ZC3H12B: variants seen among roughly 807,000 people sequenced by gnomAD.
ZC3H12B encodes the protein zinc finger CCCH-type containing 12B, also known as probable ribonuclease ZC3H12B.
ZC3H12B carries 7 observed loss-of-function variants against 43.9 expected under a neutral mutation model. The observed-to-expected ratio is 0.16, with a 90% CI of 0.09 to 0.30. The LOEUF is 0.30. ZC3H12B is among the 10% of genes least tolerant of loss of function. The pLI, the probability that ZC3H12B is intolerant of heterozygous loss-of-function variation, is 1.00. For missense variants in ZC3H12B, 475 were observed against 670.2 expected (o/e 0.71, Z 3.22); for synonymous variants, 222 against 241.7 (o/e 0.92, Z 0.76).
At chrX:65,174,211 C>T in the ZC3H12B span, among the ~76,000 whole-genome samples, 1 of 111,900 alleles carries the variant, frequency 8.9e-6, no homozygotes, top group Non-Finnish European at 1.9e-5. Context: ...AGTCAGGGGG[C>T]ACAGGATCAG....
the ZC3H12B span, among the ~76,000 whole-genome samples, chrX:65,124,484 G>T: frequency 1.4e-4 from 16 of 110,429 alleles, no homozygotes; most frequent in Non-Finnish European, 2.9e-4. Context: ...TGGCATTAGG[G>T]TGATACTGGC....
the ZC3H12B span, among the ~76,000 whole-genome samples, chrX:65,206,181 C>A: frequency 9.0e-6 from 1 of 111,494 alleles, no homozygotes; most frequent in Non-Finnish European, 1.9e-5. Context: ...TCATGTGGAA[C>A]CAAAAAAGAA....
intron 3 of ZC3H12B, among the ~76,000 whole-genome samples, chrX:65,419,947 C>A (rs1232460447): frequency 9.0e-6 from 1 of 111,133 alleles, no homozygotes; most frequent in Admixed American, 9.5e-5. Flanking sequence ...CAGACTTATA[C>A]CCCTGCATAC....
At chrX:65,297,520 A>C in the ZC3H12B span, among the ~76,000 whole-genome samples, 1 of 112,040 alleles carries the variant, frequency 8.9e-6, no homozygotes, top group African/African-American at 3.2e-5. Flanking sequence ...ATAGAAATAC[A>C]TCCCATGCTG....
chrX:65,132,688 C>T, the ZC3H12B span, among the ~76,000 whole-genome samples: 5 of 111,235 alleles, frequency 4.5e-5, no homozygotes, highest in Admixed American at 9.5e-5. Flanking sequence ...TGTCCAAGTT[C>T]GCATCAGAGT....
the ZC3H12B span, among the ~76,000 whole-genome samples, chrX:65,057,802 A>T: frequency 9.0e-6 from 1 of 111,137 alleles, no homozygotes; most frequent in African/African-American, 3.3e-5. Flanking sequence ...TTTTTTCTCT[A>T]AACTTCCCTT....
chrX:65,142,876 G>A, the ZC3H12B span, among the ~76,000 whole-genome samples: 440 of 112,251 alleles, frequency 3.9e-3, 3 homozygotes, highest in Non-Finnish European at 6.3e-3. Context: ...TTTTATACCA[G>A]TACCATACTG....
At chrX:65,053,088 T>A in the ZC3H12B span, among the ~76,000 whole-genome samples, 8 of 111,613 alleles carry the variant, frequency 7.2e-5, no homozygotes, top group Non-Finnish European at 1.9e-5. Context: ...ATTGTTCACA[T>A]GCCTGTTTGC....
intron 2 of ZC3H12B, among the ~76,000 whole-genome samples, chrX:65,379,272 A>G (rs181065767): frequency 8.9e-6 from 1 of 111,954 alleles, no homozygotes; most frequent in East Asian, 2.8e-4. Context: ...GAAAGGGCAG[A>G]CTGCCTCCTC....
At chrX:65,284,103 G>A in the ZC3H12B span, among the ~76,000 whole-genome samples, 2 of 110,164 alleles carry the variant, frequency 1.8e-5, no homozygotes, top group East Asian at 5.7e-4. Flanking sequence ...GCTATTATTT[G>A]CACCTAGAAT....
chrX:65,285,010 A>C, the ZC3H12B span, among the ~76,000 whole-genome samples: 1 of 111,154 alleles, frequency 9.0e-6, no homozygotes, highest in African/African-American at 3.3e-5. Context: ...CCAAATTTAC[A>C]AATTATTGCT....
chrX:65,507,086 C>T (rs773365184), exon 5 of ZC3H12B: 2 of 111,835 alleles, frequency 1.8e-5, no homozygotes, highest in East Asian at 5.6e-4. Context: ...ACCTTTGGCC[C>T]TGAGTTTTCT....
chrX:65,173,276 C>T, the ZC3H12B span, among the ~76,000 whole-genome samples: 1 of 111,728 alleles, frequency 9.0e-6, no homozygotes, highest in Non-Finnish European at 1.9e-5. Flanking sequence ...GATTTTGTAT[C>T]CTGACACTTT....
chrX:65,499,547 A>T (rs2068336792), intron 3 of ZC3H12B, among the ~76,000 whole-genome samples: 1 of 111,556 alleles, frequency 9.0e-6, no homozygotes, highest in Admixed American at 9.6e-5. Flanking sequence ...CAGATGGAGG[A>T]AAGGGGGCTG....
chrX:65,328,567 T>TA, the ZC3H12B span: 1 of 186,472 alleles, frequency 5.4e-6, no homozygotes, highest in Non-Finnish European at 1.0e-5. Context: ...TCTTTTTTTT[T>TA]ATTATACTTT....
chrX:65,452,857 C>A (rs970715781), intron 3 of ZC3H12B, among the ~76,000 whole-genome samples: 23 of 109,058 alleles, frequency 2.1e-4, no homozygotes, highest in Non-Finnish European at 2.7e-4. Context: ...CACACACACA[C>A]ACACACACAC....
At chrX:65,231,364 A>C in the ZC3H12B span, among the ~76,000 whole-genome samples, 1 of 111,527 alleles carries the variant, frequency 9.0e-6, no homozygotes, top group East Asian at 2.8e-4. Flanking sequence ...CTTGATAAAC[A>C]TCTTAACAGG....
At chrX:65,286,268 A>G in the ZC3H12B span, among the ~76,000 whole-genome samples, 5 of 112,067 alleles carry the variant, frequency 4.5e-5, no homozygotes, top group Admixed American at 2.8e-4. Flanking sequence ...TTGCAGCAAC[A>G]TGGATGCAGC....
At chrX:65,165,192 T>G in the ZC3H12B span, among the ~76,000 whole-genome samples, 1 of 112,430 alleles carries the variant, frequency 8.9e-6, no homozygotes, top group East Asian at 2.8e-4. Flanking sequence ...ATTTACTTCC[T>G]TCTTTTATAT....
Sources: allele counts gnomAD v4.1 joint callset (sites outside exome capture counted in the v4.1 genomes callset), GRCh38; gene constraint gnomAD v4.1.1; transcripts MANE v1.5; gene names NCBI Gene and HGNC (gene_info 2026-07-23, HGNC 2026-07-21).